Variants in SMARCA1 observed in about 807,000 individuals in gnomAD.
The protein encoded by SMARCA1 is SWI/SNF-related matrix-associated actin-dependent regulator of chromatin subfamily A member 1.
Under a neutral mutation model 93.6 loss-of-function variants are expected in SMARCA1, and 17 were observed. The ratio of observed to expected loss-of-function variants is 0.18; its 90% CI spans 0.12 to 0.27. SMARCA1 has a LOEUF of 0.27. Among genes scored for constraint, SMARCA1 ranks in the 10% least tolerant of loss-of-function variants. The pLI is 1.00. For missense variants in SMARCA1, 630 were observed against 819.0 expected, an observed-to-expected ratio of 0.77 and a Z score of 2.82; for synonymous variants, 271 against 271.4, an observed-to-expected ratio of 1.00 and a Z score of 0.01.
intron 19 of SMARCA1, among the ~76,000 whole-genome samples, chrX:129,475,202 G>A (rs1348493232): frequency 1.9e-5 from 2 of 107,947 alleles, no homozygotes; most frequent in Non-Finnish European, 3.8e-5. Context: ...TTCCTGGAAT[G>A]ATTTCAAAGT....
intron 1 of SMARCA1, among the ~76,000 whole-genome samples, chrX:129,520,905 T>C (rs994587911): frequency 9.0e-6 from 1 of 111,609 alleles, no homozygotes; most frequent in African/African-American, 3.3e-5. Flanking sequence ...TGAGACGGAG[T>C]CTCACTCTGT....
At chrX:129,462,579 C>G (rs1034513102) in intron 23 of SMARCA1, among the ~76,000 whole-genome samples, 2 of 110,736 alleles carry the variant, frequency 1.8e-5, no homozygotes, top group African/African-American at 6.6e-5. Flanking sequence ...AAAAATTATC[C>G]ATTAACTAGA....
intron 1 of SMARCA1, among the ~76,000 whole-genome samples, chrX:129,519,223 C>A (rs1392622976): frequency 9.0e-6 from 1 of 111,268 alleles, no homozygotes; most frequent in Non-Finnish European, 1.9e-5. Flanking sequence ...ATCTCATGCA[C>A]CCTATCCTTT....
chrX:129,491,085 A>G (rs1368610582), intron 14 of SMARCA1, among the ~76,000 whole-genome samples: 1 of 111,709 alleles, frequency 9.0e-6, no homozygotes, highest in Non-Finnish European at 1.9e-5. Flanking sequence ...TCGTAATGCA[A>G]TAATAATTAC....
rs1021896226 is a variant in SMARCA1 at position 129,523,457 on chromosome X, T to A, written c.-87A>T. Reference sequence around the variant, plus strand: ...AGTGGCTGCACTGGAAAGAGCTAGATGGAGCAGGGGTGGGGAATCACTCCG... The same window carrying A: ...AGTGGCTGCACTGGAAAGAGCTAGAAGGAGCAGGGGTGGGGAATCACTCCG... On this transcript the variant is annotated 5_prime_UTR_variant, in exon 1 of 25. Transcript: ENST00000371121. 1.3e-6 allele frequency: 1 copy of A among 786,514 alleles called. No homozygotes were observed. The highest frequency in any genetic ancestry group is 1.8e-6 in the Non-Finnish European group (1 of 559,140). The allele number at this position is 786,514 out of a possible 1,213,427, so 64.8% of individuals were successfully genotyped here.
Position 129,487,112 on chromosome X carries a change from T to C in SMARCA1, c.2123A>G (p.Gln708Arg), listed in dbSNP as rs763945114. Residue 708 changes from glutamine (Q) to arginine (R), a missense_variant, in exon 17 of 25, where the codon CAA becomes CGA. Gln to Arg is a conservative substitution (Grantham distance 43, BLOSUM62 1). This residue lies in a region of SMARCA1 where 382 missense variants were observed against 537.9 expected (regional missense o/e 0.71). Transcript: ENST00000371121. ...TCTTAGAGAAGACTCTCCCATTTTT[T>C]GCAGGCGTTCATTCATCTCTGCAGT... ...KKTAEMNERL[Q>R]KMGESSLRNF... The C allele has an allele frequency of 6.0e-6, 7 of 1,173,624 alleles. No homozygotes were observed. The highest frequency in any genetic ancestry group is 6.9e-6 in the Non-Finnish European group (6 of 866,842).
chrX:129,523,117 C>A (rs1935471385), intron 1 of SMARCA1, 80 bp downstream of exon 1: 2 of 1,075,458 alleles, frequency 1.9e-6, no homozygotes, highest in African/African-American at 1.9e-5. Flanking sequence ...CCTGTCGGCG[C>A]CGAAAGGTCA....
chrX:129,522,621 T>G (rs72614115), intron 1 of SMARCA1, among the ~76,000 whole-genome samples: 11,770 of 110,420 alleles, frequency 0.11, 523 homozygotes, highest in East Asian at 0.23. Context: ...ATGGTTTTTT[T>G]CCTGCCATCC....
At chrX:129,504,888 G>A in intron 8 of SMARCA1, 86 bp from the exon 9 acceptor site, 1 of 534,760 alleles carries the variant, frequency 1.9e-6, no homozygotes, top group Non-Finnish European at 3.1e-6. Flanking sequence ...AACCAATACG[G>A]AAATAATGCA....
At chrX:129,477,827 T>C (rs986154196) in intron 19 of SMARCA1, among the ~76,000 whole-genome samples, 3 of 104,558 alleles carry the variant, frequency 2.9e-5, no homozygotes, top group Non-Finnish European at 3.9e-5. Context: ...TCTCAGTGGG[T>C]TTCCTTTACT....
chrX:129,468,666 T>G lies in SMARCA1; in HGVS notation c.2698+107A>C, dbSNP rs750408509. On this transcript the variant is annotated intron_variant, in intron 21 of 24. Transcript: ENST00000371121. ...TATAGTTTATACTCTCATCTATGTC[T>G]TATTCATAAAAGTTTAAAACATCTC... 5.8e-6 allele frequency: 3 copies of G among 516,129 alleles called. No individual in the cohort carries two copies. The South Asian group carries it at 1.3e-4, about 22-fold the overall frequency. 42.5% of individuals were successfully genotyped at this position (516,129 alleles called of 1,213,427 possible). A position where few individuals can be genotyped will look rare whatever the true frequency, so the allele number is the denominator to read the frequency against.
At chrX:129,452,413 C>T (rs1206372065) in intron 23 of SMARCA1, among the ~76,000 whole-genome samples, 1 of 112,455 alleles carries the variant, frequency 8.9e-6, no homozygotes, top group East Asian at 2.8e-4. Flanking sequence ...ACAATAAAGA[C>T]AACAGAAGAG....
chrX:129,466,612 G>A (rs1278927860), intron 21 of SMARCA1, among the ~76,000 whole-genome samples: 4 of 110,887 alleles, frequency 3.6e-5, no homozygotes, highest in South Asian at 3.8e-4. Context: ...CCGAGATCGC[G>A]CCACTGCACT....
At chrX:129,448,517 T>G in intron 23 of SMARCA1, 74 bp from the exon 24 acceptor site, 2 of 929,802 alleles carry the variant, frequency 2.2e-6, no homozygotes, top group South Asian at 4.3e-5. Flanking sequence ...ACTATTTAAC[T>G]GTATGATTTC....
At chrX:129,523,084 A>G in intron 1 of SMARCA1, 113 bp downstream of exon 1, 1 of 860,710 alleles carries the variant, frequency 1.2e-6, no homozygotes, top group Non-Finnish European at 1.6e-6. Context: ...CGCCGCCCCT[A>G]GCCCCGCAAA....
At chrX:129,472,456 T>C (rs1325417032) in intron 19 of SMARCA1, among the ~76,000 whole-genome samples, 1 of 111,331 alleles carries the variant, frequency 9.0e-6, no homozygotes, top group East Asian at 2.8e-4. Context: ...ATGTATTTCA[T>C]AGAGTTTGGA....
At chrX:129,474,754 T>A (rs1933293376) in intron 19 of SMARCA1, among the ~76,000 whole-genome samples, 2 of 111,874 alleles carry the variant, frequency 1.8e-5, no homozygotes, top group African/African-American at 6.5e-5. Context: ...GGTTTGGCTG[T>A]GTCCCCACCC....
intron 17 of SMARCA1, among the ~76,000 whole-genome samples, chrX:129,482,751 A>T (rs1933736832): frequency 8.9e-6 from 1 of 112,099 alleles, no homozygotes; most frequent in African/African-American, 3.2e-5. Flanking sequence ...AACAGACAAA[A>T]CTGACACTAC....
At chrX:129,451,971 G>A (rs1248885474) in intron 23 of SMARCA1, among the ~76,000 whole-genome samples, 1 of 111,773 alleles carries the variant, frequency 8.9e-6, no homozygotes, top group Non-Finnish European at 1.9e-5. Context: ...CCAAAGTGCT[G>A]GGATTACAGG....
Sources: allele counts gnomAD v4.1 joint callset (sites outside exome capture counted in the v4.1 genomes callset), GRCh38; gene constraint gnomAD v4.1.1; regional missense constraint gnomAD v4.1.1; transcripts MANE v1.5; gene names NCBI Gene and HGNC (gene_info 2026-07-23, HGNC 2026-07-21).